Variants in IFT74 observed in about 807,000 individuals in gnomAD.
IFT74 encodes the protein intraflagellar transport protein 74 homolog.
A neutral mutation model predicts 96.7 loss-of-function variants in IFT74; 92 were observed. That is an observed-to-expected ratio of 0.95 (90% CI 0.80 to 1.13). The LOEUF is 1.13. Ranked by LOEUF, IFT74 falls within the 50% of genes most tolerant of loss-of-function variation. The pLI is 0.00. For synonymous variants in IFT74, 223 were observed against 213.2 expected (o/e 1.05, Z -0.40); for missense variants, 811 against 698.2 (o/e 1.16, Z -1.82).
intron 13 of IFT74, among the ~76,000 whole-genome samples, chr9:27,031,149 C>T (rs1563988495): frequency 2.0e-5 from 3 of 152,078 alleles, no homozygotes; most frequent in Admixed American, 6.5e-5. Context: ...GTCCATGTTA[C>T]TGTGCCCAGC....
rs1420781944 is a variant in IFT74, at chr9:27,063,191, T to C, written c.*455T>C. Among the ~76,000 whole-genome samples the C allele has an allele frequency of 6.6e-6, 1 of 152,106 alleles. No homozygotes were observed. The highest frequency in any genetic ancestry group is 1.5e-5 in the Non-Finnish European group (1 of 67,990). ...TTAGCTTTGAATGTTACTTCTCAAA[T>C]AGGTTATATTTGATGTGTATTAGAC... On this transcript the variant is annotated 3_prime_UTR_variant, in exon 20 of 20. Transcript: ENST00000380062.
intron 16 of IFT74, among the ~76,000 whole-genome samples, chr9:27,053,055 G>A (rs1406605243): frequency 6.6e-6 from 1 of 152,030 alleles, no homozygotes; most frequent in African/African-American, 2.4e-5. Flanking sequence ...AGTAGAGACG[G>A]GGTTTCACCG....
intron 13 of IFT74, among the ~76,000 whole-genome samples, chr9:27,035,068 A>G (rs1819110147): frequency 6.6e-6 from 1 of 152,286 alleles, no homozygotes; most frequent in South Asian, 2.1e-4. Context: ...AGCCTTACCA[A>G]TAACATAAAT....
At chr9:26,948,125 T>C (rs1188479614) in intron 1 of IFT74, among the ~76,000 whole-genome samples, 3 of 152,342 alleles carry the variant, frequency 2.0e-5, no homozygotes, top group African/African-American at 7.2e-5. Context: ...GAATCACTTT[T>C]CCCCTGGTTT....
rs933519026 is a variant in IFT74, at chr9:27,064,745, GT to G, written c.*2018del. Among the ~76,000 whole-genome samples the G allele has an allele frequency of 2.0e-5, 3 of 150,790 alleles. No individual in the cohort carries two copies. Among genetic ancestry groups the G allele is most frequent in the Non-Finnish European group, 4.4e-5 (3 of 67,590 alleles). ...TTAAATGCCTTTACTTTTTCCTTAG[GT>G]TTTTTTTTATGATTTCTACTTAAGT... On this transcript the variant is annotated 3_prime_UTR_variant, in exon 20 of 20. Transcript: ENST00000380062.
intron 6 of IFT74, among the ~76,000 whole-genome samples, chr9:26,988,275 A>G (rs1245298995): frequency 1.3e-5 from 2 of 152,046 alleles, no homozygotes; most frequent in African/African-American, 2.4e-5. Context: ...TTGTAAATCT[A>G]CTAACATTCC....
intron 8 of IFT74, among the ~76,000 whole-genome samples, chr9:26,996,775 G>C (rs1828181131): frequency 6.6e-6 from 1 of 152,072 alleles, no homozygotes; most frequent in Non-Finnish European, 1.5e-5. Context: ...TTACAATCTG[G>C]ATCTCAGGCA....
At chr9:26,947,177 G>A in intron 1 of IFT74, 2 of 1,113,336 alleles carry the variant, frequency 1.8e-6, no homozygotes, top group Non-Finnish European at 2.4e-6. Context: ...GGAAGAGCCC[G>A]AGAGCCGGTA....
At chr9:27,041,750 T>G (rs1267209992) in intron 13 of IFT74, among the ~76,000 whole-genome samples, 5 of 152,210 alleles carry the variant, frequency 3.3e-5, no homozygotes, top group African/African-American at 9.6e-5. Flanking sequence ...ACCTTAGGAC[T>G]GCCTACATTT....
At chr9:26,947,225 G>C (rs919444901) in intron 1 of IFT74, 2 of 640,724 alleles carry the variant, frequency 3.1e-6, no homozygotes, top group Non-Finnish European at 5.1e-6. Flanking sequence ...CGAGCGGGCC[G>C]AGTGACACAG....
intron 2 of IFT74, among the ~76,000 whole-genome samples, chr9:26,974,859 G>T (rs1349693038): frequency 6.6e-6 from 1 of 152,148 alleles, no homozygotes; most frequent in Non-Finnish European, 1.5e-5. Context: ...CCTCTGAACT[G>T]GTCAAGGGAA....
chr9:26,993,999 T>TTTG (rs1382875884), intron 8 of IFT74: 1 of 152,226 alleles, frequency 6.6e-6, no homozygotes, highest in Non-Finnish European at 1.5e-5. Context: ...AATTATTAAA[T>TTTG]TGTGATTATA....
intron 4 of IFT74, 22 bp downstream of exon 4, chr9:26,980,641 A>G (rs1475413890): frequency 7.4e-6 from 11 of 1,496,466 alleles, no homozygotes; most frequent in Non-Finnish European, 1.0e-5. Context: ...ATATCTTTTC[A>G]TCCGTATGTT....
intron 3 of IFT74, among the ~76,000 whole-genome samples, chr9:26,979,076 T>A (rs764094787): frequency 1.5e-4 from 23 of 152,232 alleles, no homozygotes; most frequent in South Asian, 4.1e-4. Flanking sequence ...GAAGATATAC[T>A]GCTAGTACAA....
At chr9:27,010,271 G>C (rs1474319506) in intron 9 of IFT74, among the ~76,000 whole-genome samples, 2 of 151,774 alleles carry the variant, frequency 1.3e-5, no homozygotes. Context: ...TTACAGGCAT[G>C]AGCCACCGCG....
chr9:27,005,467 TATA>T (rs1331438712), intron 8 of IFT74: 3 of 148,290 alleles, frequency 2.0e-5, no homozygotes, highest in Admixed American at 7.0e-5. Flanking sequence ...CATGTGAAAA[TATA>T]ATCATATTTT....
intron 4 of IFT74, chr9:26,982,546 C>G (rs1348978753): frequency 3.5e-6 from 1 of 288,522 alleles, no homozygotes; most frequent in Non-Finnish European, 6.9e-6. Flanking sequence ...ACCTCCGCCT[C>G]CCGGGTTCAA....
rs149266704 is a variant in IFT74 at position 27,055,773 on chromosome 9, G to C, written c.1497+1G>C. ...ATCATCAGGTGAAGAAAAGATAAAG[G>C]TAAATGTTAACCAAGTCTTACAGAA... On this transcript the variant is annotated splice_donor_variant, in intron 17 of 19. Coordinates refer to ENST00000380062, the MANE Select transcript of IFT74 (RefSeq NM_025103.4). LOFTEE classifies it high-confidence loss of function. The C allele has an allele frequency of 6.6e-7, 1 of 1,507,936 alleles. No homozygotes were observed. The highest frequency in any genetic ancestry group is 2.5e-5 in the East Asian group (1 of 39,402). The allele number at this position is 1,507,936 out of a possible 1,614,324, so 93.4% of individuals were successfully genotyped here.
chr9:26,950,242 G>A (rs1053356045), intron 1 of IFT74, among the ~76,000 whole-genome samples: 14 of 152,006 alleles, frequency 9.2e-5, no homozygotes, highest in African/African-American at 3.4e-4. Context: ...AACCCGGGAG[G>A]GGGAGGTTGC....
Sources: allele counts gnomAD v4.1 joint callset (sites outside exome capture counted in the v4.1 genomes callset), GRCh38; gene constraint gnomAD v4.1.1; transcripts MANE v1.5; gene names NCBI Gene and HGNC (gene_info 2026-07-23, HGNC 2026-07-21).